Variants in CTNNA2 observed in about 807,000 individuals in gnomAD.
CTNNA2 encodes catenin alpha 2.
Under a neutral mutation model 101.0 loss-of-function variants are expected in CTNNA2, and 42 were observed. The ratio of observed to expected loss-of-function variants is 0.42; its 90% CI spans 0.32 to 0.54. The LOEUF is 0.54. Among genes scored for constraint, CTNNA2 ranks in the 20% least tolerant of loss-of-function variants. CTNNA2 has a pLI of 0.14. For missense variants in CTNNA2, 871 were observed against 1,223.1 expected, an observed-to-expected ratio of 0.71 and a Z score of 4.29; for synonymous variants, 450 against 456.4, an observed-to-expected ratio of 0.99 and a Z score of 0.18.
rs552031744 is a variant in CTNNA2, at chr2:79,591,915, T to C, written c.-5-59637T>C. On this transcript the variant is annotated intron_variant, in intron 1 of 18. Coordinates refer to ENST00000402739, the MANE Select transcript of CTNNA2 (RefSeq NM_001282597.3). ...GTTTCTTTTGAAAAAAAAATTTTTTTTTTTTTTTTTTGAAATTGACTGCTT... is the reference window on the plus strand; with the variant it reads ...GTTTCTTTTGAAAAAAAAATTTTTTCTTTTTTTTTTTGAAATTGACTGCTT... Among the ~76,000 whole-genome samples the C allele has an allele frequency of 8.1e-3, 1,224 of 151,740 alleles. 20 individuals are homozygous for C. Among genetic ancestry groups the C allele is most frequent in the African/African-American group, 0.028 (1,161 of 41,408 alleles).
intron 2 of CTNNA2, among the ~76,000 whole-genome samples, chr2:79,688,256 C>T (rs1684066342): frequency 6.6e-6 from 1 of 151,958 alleles, no homozygotes; most frequent in Non-Finnish European, 1.5e-5. Context: ...CAGTAAAGCT[C>T]ATAAACGAGT....
At chr2:79,988,461 T>C (rs1305782671) in intron 7 of CTNNA2, among the ~76,000 whole-genome samples, 4 of 78,872 alleles carry the variant, frequency 5.1e-5, no homozygotes, top group East Asian at 2.8e-4. Flanking sequence ...ATGAAGTGTA[T>C]GTGTATGTGT....
At chr2:79,870,556 TCTC>T (rs1344525957) in intron 5 of CTNNA2, among the ~76,000 whole-genome samples, 3 of 152,080 alleles carry the variant, frequency 2.0e-5, no homozygotes, top group African/African-American at 7.2e-5. Flanking sequence ...TGACCTGGGA[TCTC>T]CTCAGCCTCA....
intron 4 of CTNNA2, among the ~76,000 whole-genome samples, chr2:79,388,223 T>C (rs1678126983): frequency 6.6e-6 from 1 of 152,210 alleles, no homozygotes; most frequent in Non-Finnish European, 1.5e-5. Context: ...CAGCATATGT[T>C]GGAGAGGAGC....
intron 9 of CTNNA2, among the ~76,000 whole-genome samples, chr2:80,466,899 G>C (rs1466626619): frequency 6.6e-6 from 1 of 152,178 alleles, no homozygotes; most frequent in Non-Finnish European, 1.5e-5. Context: ...TAAATCATCA[G>C]TAAATATCTT....
chr2:79,405,419 G>T (rs905761928), intron 4 of CTNNA2, among the ~76,000 whole-genome samples: 2 of 151,972 alleles, frequency 1.3e-5, no homozygotes, highest in Non-Finnish European at 2.9e-5. Flanking sequence ...TCCACCTCCT[G>T]GGTTCAAGCG....
chr2:80,232,345 GTTTTTTTTTTTTTTTTTTTTTT>G (rs61454985), intron 7 of CTNNA2, among the ~76,000 whole-genome samples: 64 of 64,820 alleles, frequency 9.9e-4, no homozygotes, highest in Non-Finnish European at 1.4e-3. Flanking sequence ...TTGTTTGTTT[GTTTTTTTTTTTTTTTTTTTTTT>G]TTTTTTTTTT....
At chr2:79,715,485 T>G (rs1290626615) in intron 2 of CTNNA2, among the ~76,000 whole-genome samples, 1 of 152,062 alleles carries the variant, frequency 6.6e-6, no homozygotes, top group Non-Finnish European at 1.5e-5. Flanking sequence ...AGATTTAAGA[T>G]GACAAAAGCA....
chr2:79,915,300 CACACAA>C lies in CTNNA2; in HGVS notation c.1056+5509_1056+5514del, dbSNP rs879455832. ...TATAGGAGTGGTATATTTACACACA[CACACAA>C]ACACACACACACACACACACACACA... On this transcript the variant is annotated intron_variant, in intron 7 of 18. Coordinates refer to ENST00000402739, the MANE Select transcript of CTNNA2 (RefSeq NM_001282597.3). Among the ~76,000 whole-genome samples, 762 of 86,280 alleles carry C rather than the reference CACACAA, an allele frequency of 8.8e-3. 7 individuals carry two copies. Among genetic ancestry groups the C allele is most frequent in the African/African-American group, 0.042 (715 of 17,200 alleles). The allele number at this position is 86,280 out of a possible 152,430, so 56.6% of individuals were successfully genotyped here.
At chr2:79,576,424 A>G (rs1302960078) in intron 1 of CTNNA2, among the ~76,000 whole-genome samples, 2 of 152,160 alleles carry the variant, frequency 1.3e-5, no homozygotes, top group African/African-American at 4.8e-5. Context: ...TTTTAATTTT[A>G]TCTTACCTGT....
At chr2:80,306,390 TTTTCTTTTCTTTTCTTTC>T (rs1202064359) in intron 7 of CTNNA2, among the ~76,000 whole-genome samples, 11 of 133,256 alleles carry the variant, frequency 8.3e-5, no homozygotes, top group African/African-American at 2.1e-4. Context: ...TTTTCTTTTC[TTTTCTTTTCTTTTCTTTC>T]TTTCTTTCTT....
intron 7 of CTNNA2, among the ~76,000 whole-genome samples, chr2:79,989,593 A>G (rs561918828): frequency 6.6e-6 from 1 of 152,246 alleles, no homozygotes; most frequent in South Asian, 2.1e-4. Context: ...CCATGATCAC[A>G]CCACTGCACT....
intron 12 of CTNNA2, among the ~76,000 whole-genome samples, chr2:80,558,557 T>C (rs1295535154): frequency 6.6e-6 from 1 of 152,114 alleles, no homozygotes; most frequent in Non-Finnish European, 1.5e-5. Flanking sequence ...AGACATAAGA[T>C]ATATGTCCTC....
At chr2:80,297,156 C>T (rs1200207680) in intron 7 of CTNNA2, among the ~76,000 whole-genome samples, 2 of 152,320 alleles carry the variant, frequency 1.3e-5, no homozygotes, top group East Asian at 3.9e-4. Flanking sequence ...CTGGATTTCA[C>T]CACTGTGCCC....
Position 80,143,762 on chromosome 2 carries a change from G to A in CTNNA2, c.1056+233965G>A, listed in dbSNP as rs567514625. 5.9e-5 allele frequency among the ~76,000 whole-genome samples: 9 copies of A among 152,264 alleles called. No individual in the cohort carries two copies. In the South Asian group the frequency reaches 1.9e-3, roughly 32 times the overall value. On this transcript the variant is annotated intron_variant, in intron 7 of 18. Transcript: ENST00000402739. ...AACTGCCTGAAGGAGGGCAGGGGAG[G>A]GATCACATAATTGCAGTGAGAAGTT...
At chr2:80,235,642 C>T (rs1046594353) in intron 7 of CTNNA2, among the ~76,000 whole-genome samples, 1 of 152,150 alleles carries the variant, frequency 6.6e-6, no homozygotes, top group Non-Finnish European at 1.5e-5. Flanking sequence ...TTGCCTGAGC[C>T]TCATGAAAAC....
At chr2:79,957,092 T>C (rs1689293643) in intron 7 of CTNNA2, among the ~76,000 whole-genome samples, 1 of 152,098 alleles carries the variant, frequency 6.6e-6, no homozygotes, top group African/African-American at 2.4e-5. Flanking sequence ...AGATAGGCAG[T>C]GCACTGTCAT....
intron 6 of CTNNA2, among the ~76,000 whole-genome samples, chr2:79,890,414 C>G (rs138829550): frequency 1.3e-5 from 2 of 152,256 alleles, no homozygotes; most frequent in Non-Finnish European, 2.9e-5. Context: ...GTCTCTTCCC[C>G]AAGTGTCCTG....
intron 4 of CTNNA2, among the ~76,000 whole-genome samples, chr2:79,486,104 A>G (rs1573188288): frequency 6.6e-6 from 1 of 152,152 alleles, no homozygotes; most frequent in African/African-American, 2.4e-5. Context: ...TTTAAGTTTT[A>G]GGGTACATGT....
Sources: gnomAD v4.1 joint callset for allele counts (sites outside exome capture counted in the v4.1 genomes callset) on GRCh38, gnomAD v4.1.1 for gene constraint, MANE v1.5 for transcripts, NCBI Gene and HGNC (gene_info 2026-07-23, HGNC 2026-07-21) for gene names.